Variants in STAU2 observed in about 807,000 individuals in gnomAD.
The protein encoded by STAU2 is staufen double-stranded RNA binding protein 2, also known as double-stranded RNA-binding protein Staufen homolog 2.
A neutral mutation model predicts 65.9 loss-of-function variants in STAU2; 20 were observed. That is an observed-to-expected ratio of 0.30 (90% CI 0.21 to 0.44). STAU2 has a LOEUF of 0.44. Ranked by LOEUF, STAU2 falls within the 20% of genes least tolerant of loss-of-function variation. The pLI, the probability that STAU2 is intolerant of heterozygous loss-of-function variation, is 1.00. For missense variants in STAU2, 558 were observed against 683.9 expected (o/e 0.82, Z 2.05); for synonymous variants, 232 against 233.9 (o/e 0.99, Z 0.07).
intron 12 of STAU2, among the ~76,000 whole-genome samples, chr8:73,558,835 T>C (rs1042684258): frequency 1.3e-5 from 2 of 152,148 alleles, no homozygotes; most frequent in African/African-American, 2.4e-5. Flanking sequence ...TTTGTTTCCA[T>C]TGCCAGCTTG....
At chr8:73,597,504 T>TAA (rs869107695) in intron 10 of STAU2, among the ~76,000 whole-genome samples, 1 of 87,696 alleles carries the variant, frequency 1.1e-5, no homozygotes, top group African/African-American at 4.0e-5. Flanking sequence ...AATACAAAAA[T>TAA]AAAAAAAAAA....
intron 13 of STAU2, chr8:73,550,710 GTAACT>G: frequency 4.1e-6 from 4 of 987,252 alleles, no homozygotes; most frequent in Non-Finnish European, 4.8e-6. Flanking sequence ...TTCTAAAATT[GTAACT>G]TTAAATTAAG....
chr8:73,598,478 C>T (rs1357893486), intron 10 of STAU2, among the ~76,000 whole-genome samples: 5 of 152,210 alleles, frequency 3.3e-5, no homozygotes, highest in South Asian at 4.1e-4. Flanking sequence ...CCGCCCACCT[C>T]GGCCTCCCAA....
chr8:73,546,148 G>GTTTTTTTTTTTTTTT (rs1563412799), intron 13 of STAU2, among the ~76,000 whole-genome samples: 1 of 116,462 alleles, frequency 8.6e-6, no homozygotes, highest in Non-Finnish European at 1.6e-5. Context: ...TTTTTTTTTG[G>GTTTTTTTTTTTTTTT]TAGAGACAGA....
chr8:73,457,943 G>A (rs1435419003), intron 13 of STAU2, among the ~76,000 whole-genome samples: 8 of 152,328 alleles, frequency 5.3e-5, no homozygotes, highest in African/African-American at 1.7e-4. Flanking sequence ...TAGGCACGGG[G>A]TTGGAGGAGG....
At chr8:73,531,186 C>A (rs916641114) in intron 13 of STAU2, among the ~76,000 whole-genome samples, 6 of 152,136 alleles carry the variant, frequency 3.9e-5, no homozygotes, top group Non-Finnish European at 8.8e-5. Flanking sequence ...TACACTGTCC[C>A]TCCTCTAAGT....
chr8:73,543,867 T>C (rs889406839), intron 13 of STAU2, among the ~76,000 whole-genome samples: 2 of 152,204 alleles, frequency 1.3e-5, no homozygotes, highest in Admixed American at 6.5e-5. Context: ...GTTATATCTA[T>C]ACACTGATGA....
chr8:73,683,962 A>G (rs563633873), intron 5 of STAU2, among the ~76,000 whole-genome samples: 1 of 152,320 alleles, frequency 6.6e-6, no homozygotes, highest in South Asian at 2.1e-4. Flanking sequence ...ATCATAGAGG[A>G]TACAAACAAA....
At chr8:73,644,276 T>C (rs1488388845) in intron 6 of STAU2, among the ~76,000 whole-genome samples, 1 of 151,094 alleles carries the variant, frequency 6.6e-6, no homozygotes, top group African/African-American at 2.4e-5. Context: ...GTGAGAAAAA[T>C]TCATAACACT....
intron 5 of STAU2, among the ~76,000 whole-genome samples, chr8:73,678,341 C>A (rs186110109): frequency 2.6e-5 from 4 of 152,152 alleles, no homozygotes; most frequent in Admixed American, 2.6e-4. Flanking sequence ...TAGTCATTTA[C>A]CTGCTCTAAT....
At chr8:73,702,084 G>T (rs1052344679) in intron 4 of STAU2, among the ~76,000 whole-genome samples, 2 of 152,118 alleles carry the variant, frequency 1.3e-5, no homozygotes, top group African/African-American at 2.4e-5. Context: ...ATTGGGAAAG[G>T]TAGCAGGAAG....
chr8:73,631,740 G>A (rs1204636714), intron 6 of STAU2, among the ~76,000 whole-genome samples: 1 of 152,124 alleles, frequency 6.6e-6, no homozygotes, highest in Non-Finnish European at 1.5e-5. Context: ...AATAAAGCAA[G>A]TTGGTCAAGG....
chr8:73,745,930 C>T (rs922030829), intron 1 of STAU2, among the ~76,000 whole-genome samples: 2 of 152,072 alleles, frequency 1.3e-5, no homozygotes, highest in African/African-American at 4.8e-5. Flanking sequence ...GCGGAGCACC[C>T]CCAGCCCCCA....
At chr8:73,446,738 G>T (rs1006194864) in intron 13 of STAU2, among the ~76,000 whole-genome samples, 3 of 152,078 alleles carry the variant, frequency 2.0e-5, no homozygotes, top group Non-Finnish European at 4.4e-5. Flanking sequence ...GCCTCCCAAA[G>T]TGCTGAGATT....
chr8:73,673,175 C>T lies in STAU2; in HGVS notation c.342G>A (p.Arg114=), dbSNP rs1171034319. Residue 114 remains arginine (R), a synonymous_variant, in exon 6 of 15, where the codon AGG becomes AGA. Coordinates refer to ENST00000524300, the MANE Select transcript of STAU2 (RefSeq NM_001164380.2). ...AMKRGEPAIY[R]PLDPKPFPNY... Reference sequence around the variant, plus strand: ...TTGGGAATGGCTTTGGATCTAATGGCCTGTAGATGGCAGGCTCTCCCCTTT... The same window carrying T: ...TTGGGAATGGCTTTGGATCTAATGGTCTGTAGATGGCAGGCTCTCCCCTTT... The T allele has an allele frequency of 1.9e-6, 3 of 1,606,386 alleles. No homozygotes were observed. Among genetic ancestry groups the T allele is most frequent in the Admixed American group, 1.7e-5 (1 of 59,302 alleles).
intron 10 of STAU2, 42 bp downstream of exon 10, chr8:73,603,684 G>A (rs777058081): frequency 1.9e-6 from 3 of 1,593,026 alleles, no homozygotes; most frequent in South Asian, 2.3e-5. Context: ...CCATCCTGGG[G>A]ATTTCTAAAT....
chr8:73,424,977 T>C (rs1816687596), intron 13 of STAU2, among the ~76,000 whole-genome samples: 1 of 151,996 alleles, frequency 6.6e-6, no homozygotes, highest in South Asian at 2.1e-4. Context: ...AGGGAGAAGG[T>C]CAGTGATGCC....
At chr8:73,467,904 C>T (rs1819748099) in intron 13 of STAU2, among the ~76,000 whole-genome samples, 1 of 152,120 alleles carries the variant, frequency 6.6e-6, no homozygotes, top group Non-Finnish European at 1.5e-5. Context: ...GATTCAATGC[C>T]ATCCCCATCA....
chr8:73,663,250 C>G (rs1054742690), intron 6 of STAU2, among the ~76,000 whole-genome samples: 1 of 152,142 alleles, frequency 6.6e-6, no homozygotes, highest in Non-Finnish European at 1.5e-5. Context: ...TTTACTGACA[C>G]ACACTAGAAT....
Sources: allele counts gnomAD v4.1 joint callset (sites outside exome capture counted in the v4.1 genomes callset), GRCh38; gene constraint gnomAD v4.1.1; transcripts MANE v1.5; gene names NCBI Gene and HGNC (gene_info 2026-07-23, HGNC 2026-07-21).